The following CNBD1 variants were observed in gnomAD, a reference collection of about 807,000 sequenced individuals.
The protein encoded by CNBD1 is cyclic nucleotide binding domain containing 1, also known as cyclic nucleotide-binding domain-containing protein 1.
CNBD1 carries 71 observed loss-of-function variants against 54.4 expected under a neutral mutation model. The observed-to-expected ratio is 1.30, with a 90% confidence interval of 1.08 to 1.59. The LOEUF (loss-of-function observed/expected upper bound fraction) is 1.59, where lower values mean the gene tolerates loss of function less well. Among genes scored for constraint, CNBD1 ranks in the 40% most tolerant of loss-of-function variants. The pLI is 0.00. For synonymous variants in CNBD1, 182 were observed against 170.7 expected, an observed-to-expected ratio of 1.07 and a Z score of -0.51; for missense variants, 659 against 518.0, an observed-to-expected ratio of 1.27 and a Z score of -2.64.
intron 4 of CNBD1, among the ~76,000 whole-genome samples, chr8:86,979,940 C>G (rs931069309): frequency 2.6e-5 from 4 of 152,156 alleles, no homozygotes; most frequent in Non-Finnish European, 5.9e-5. Context: ...GATTGAATTA[C>G]TTTACTTATA....
At chr8:86,914,361 G>T (rs1192778863) in intron 3 of CNBD1, among the ~76,000 whole-genome samples, 3 of 152,140 alleles carry the variant, frequency 2.0e-5, no homozygotes, top group East Asian at 1.9e-4. Flanking sequence ...GCAACACATT[G>T]TGTTGCAATT....
At chr8:87,283,712 C>T (rs1001260283) in intron 6 of CNBD1, among the ~76,000 whole-genome samples, 11 of 152,080 alleles carry the variant, frequency 7.2e-5, no homozygotes, top group African/African-American at 2.7e-4. Context: ...CACTTCACAA[C>T]TGGGGCAATC....
At chr8:87,305,500 A>C (rs575968911) in intron 8 of CNBD1, among the ~76,000 whole-genome samples, 9 of 152,318 alleles carry the variant, frequency 5.9e-5, no homozygotes, top group Admixed American at 3.3e-4. Context: ...ACCTGATTTC[A>C]AACTATACTA....
At chr8:87,255,415 G>A (rs1807991377) in intron 6 of CNBD1, among the ~76,000 whole-genome samples, 1 of 152,088 alleles carries the variant, frequency 6.6e-6, no homozygotes, top group South Asian at 2.1e-4. Context: ...TAGAGCTAAG[G>A]TGTAAAAAGA....
intron 4 of CNBD1, among the ~76,000 whole-genome samples, chr8:87,201,157 T>A (rs1418851068): frequency 1.3e-5 from 2 of 152,056 alleles, no homozygotes; most frequent in African/African-American, 4.8e-5. Context: ...ATTTTCTTTA[T>A]AAATATGAAA....
Position 87,343,601 on chromosome 8 carries a change from A to C in CNBD1, c.1043-8084A>C, listed in dbSNP as rs77397085. On this transcript the variant is annotated intron_variant, in intron 8 of 10. Coordinates refer to ENST00000518476, the MANE Select transcript of CNBD1 (RefSeq NM_173538.3). ...TGTTAACCTTTCCTATGTGTTGTTT[A>C]GGCTTTCAATTAAGGAGCAGAGAGC... 7.2e-5 allele frequency among the ~76,000 whole-genome samples: 11 copies of C among 152,338 alleles called. No individual in the cohort carries two copies. The East Asian group carries it at 2.1e-3, about 29-fold the overall frequency.
chr8:86,867,236 T>C (rs1280179427), intron 1 of CNBD1, among the ~76,000 whole-genome samples: 1 of 152,188 alleles, frequency 6.6e-6, no homozygotes, highest in Non-Finnish European at 1.5e-5. Flanking sequence ...AGATCTATTA[T>C]TTGAACACCA....
intron 10 of CNBD1, among the ~76,000 whole-genome samples, chr8:87,371,402 A>T (rs965894397): frequency 2.7e-4 from 41 of 151,764 alleles, no homozygotes; most frequent in African/African-American, 9.4e-4. Flanking sequence ...CTTTTATTTC[A>T]TTGAGCAGTG....
intron 5 of CNBD1, among the ~76,000 whole-genome samples, chr8:87,221,361 G>C (rs1814333739): frequency 6.6e-6 from 1 of 152,016 alleles, no homozygotes; most frequent in African/African-American, 2.4e-5. Flanking sequence ...CCTGTACTGT[G>C]CTTCTGACAA....
chr8:86,929,700 TTG>T (rs1226165419), intron 3 of CNBD1, among the ~76,000 whole-genome samples: 3 of 152,184 alleles, frequency 2.0e-5, no homozygotes, highest in African/African-American at 7.2e-5. Context: ...AAGCAGGCAG[TTG>T]TCTGATAGTC....
chr8:87,268,765 T>G (rs1044577265), intron 6 of CNBD1, among the ~76,000 whole-genome samples: 4 of 152,134 alleles, frequency 2.6e-5, no homozygotes, highest in Non-Finnish European at 5.9e-5. Context: ...TTTGCCCATT[T>G]TTAATGGGGT....
At chr8:86,921,444 G>C (rs1334029595) in intron 3 of CNBD1, among the ~76,000 whole-genome samples, 1 of 151,928 alleles carries the variant, frequency 6.6e-6, no homozygotes, top group Non-Finnish European at 1.5e-5. Flanking sequence ...CAATAATACT[G>C]TATTAGTCTG....
At chr8:86,969,169 T>A (rs1050470783) in intron 4 of CNBD1, among the ~76,000 whole-genome samples, 1 of 152,320 alleles carries the variant, frequency 6.6e-6, no homozygotes, top group Non-Finnish European at 1.5e-5. Flanking sequence ...TTTCTCTGCA[T>A]TTTCTCATTT....
intron 4 of CNBD1, among the ~76,000 whole-genome samples, chr8:87,073,649 C>A (rs565965672): frequency 6.6e-6 from 1 of 152,074 alleles, no homozygotes; most frequent in Non-Finnish European, 1.5e-5. Flanking sequence ...GTGAAGGCTG[C>A]AAAGTGGCAA....
intron 4 of CNBD1, among the ~76,000 whole-genome samples, chr8:86,950,592 G>A (rs10955124): frequency 0.54 from 81,303 of 151,324 alleles, 22,118 homozygotes; most frequent in Admixed American, 0.6. Flanking sequence ...CAGAGATGTT[G>A]GCCTGTAGTT....
chr8:87,276,539 G>A (rs368550338), intron 6 of CNBD1, among the ~76,000 whole-genome samples: 1 of 151,854 alleles, frequency 6.6e-6, no homozygotes, highest in Non-Finnish European at 1.5e-5. Context: ...TGGAGAAACG[G>A]AAGTAGGTCT....
At chr8:87,259,906 C>A (rs1808101826) in intron 6 of CNBD1, among the ~76,000 whole-genome samples, 1 of 152,120 alleles carries the variant, frequency 6.6e-6, no homozygotes, top group African/African-American at 2.4e-5. Flanking sequence ...GGCCAAATGG[C>A]TGATATTTCT....
At chr8:87,035,344 TGTTCAAC>T in intron 4 of CNBD1, among the ~76,000 whole-genome samples, 1 of 152,294 alleles carries the variant, frequency 6.6e-6, no homozygotes, top group Admixed American at 6.5e-5. Context: ...TTGGATACAA[TGTTCAAC>T]ATTAGATTGG....
chr8:87,323,237 G>A (rs1228918384), intron 8 of CNBD1, among the ~76,000 whole-genome samples: 4 of 111,096 alleles, frequency 3.6e-5, no homozygotes, highest in Admixed American at 8.9e-5. Context: ...GTCAGGTAGT[G>A]TGATGCCTCC....
Sources: allele counts gnomAD v4.1 joint callset (sites outside exome capture counted in the v4.1 genomes callset), GRCh38; gene constraint gnomAD v4.1.1; transcripts MANE v1.5; gene names NCBI Gene and HGNC (gene_info 2026-07-23, HGNC 2026-07-21).